Variants in CREB5 observed in about 807,000 individuals in gnomAD.
The protein encoded by CREB5 is cAMP responsive element binding protein 5.
Under a neutral mutation model 57.1 loss-of-function variants are expected in CREB5, and 19 were observed. That is an observed-to-expected ratio of 0.33 (90% CI 0.23 to 0.49). The LOEUF (loss-of-function observed/expected upper bound fraction) is 0.49. Ranked by LOEUF, CREB5 falls within the 20% of genes least tolerant of loss-of-function variation. CREB5 has a pLI of 0.99. For missense variants in CREB5, 579 were observed against 671.6 expected (o/e 0.86, Z 1.52); for synonymous variants, 238 against 238.3 (o/e 1.00, Z 0.01).
rs17157152 is a variant in CREB5 at position 28,761,545 on chromosome 7, A to G, written c.702+37213A>G. Among the ~76,000 whole-genome samples the G allele has an allele frequency of 2.2e-4, 34 of 152,316 alleles. No individual in the cohort carries two copies. The East Asian group carries it at 6.4e-3, about 28-fold the overall frequency. On this transcript the variant is annotated intron_variant, in intron 7 of 10. Transcript: ENST00000357727. ...AATCCCCAACCAGTACATTTATCCA[A>G]TTAGATTTAAACTCAAGCCTCAATT... is the stretch of plus-strand genomic sequence containing the variant.
chr7:28,411,782 T>C (rs2128003184), upstream of CREB5, among the ~76,000 whole-genome samples: 1 of 152,322 alleles, frequency 6.6e-6, no homozygotes, highest in South Asian at 2.1e-4. Flanking sequence ...AAAGCCATGC[T>C]GTAGGGTAGG....
chr7:28,319,211 C>T (rs914592504), intron 1 of CREB5, among the ~76,000 whole-genome samples: 17 of 152,222 alleles, frequency 1.1e-4, no homozygotes, highest in Admixed American at 1.1e-3. Flanking sequence ...TGCCATATTA[C>T]ATGGCCTGTA....
intron 7 of CREB5, among the ~76,000 whole-genome samples, chr7:28,775,521 C>T (rs1275151416): frequency 8.5e-6 from 1 of 117,670 alleles, no homozygotes; most frequent in Admixed American, 9.4e-5. Flanking sequence ...ATATATTATG[C>T]CATATTTATG....
intron 5 of CREB5, among the ~76,000 whole-genome samples, chr7:28,670,287 G>A (rs1016103993): frequency 1.3e-5 from 2 of 152,198 alleles, no homozygotes; most frequent in Admixed American, 6.5e-5. Flanking sequence ...GCTATGTGAA[G>A]GTGGTTTCTC....
At chr7:28,438,125 T>G (rs1789032882) in intron 1 of CREB5, among the ~76,000 whole-genome samples, 3 of 152,140 alleles carry the variant, frequency 2.0e-5, no homozygotes, top group South Asian at 4.1e-4. Flanking sequence ...CCAAAGACCT[T>G]ACTACCTAGG....
At chr7:28,326,782 C>T (rs1419682334) in intron 1 of CREB5, among the ~76,000 whole-genome samples, 2 of 151,942 alleles carry the variant, frequency 1.3e-5, no homozygotes, top group African/African-American at 4.8e-5. Context: ...TTTAATATAC[C>T]TTTGGATGTC....
upstream of CREB5, chr7:28,409,763 C>A (rs1267000567): frequency 5.3e-6 from 2 of 380,776 alleles, no homozygotes; most frequent in South Asian, 1.9e-5. The surrounding 1 kb of genome is among the most constrained non-coding windows in gnomAD (Gnocchi z 4.4). Flanking sequence ...CGGTGGCCGC[C>A]GCGCCGCGCG....
chr7:28,756,886 G>A (rs746799133), intron 7 of CREB5, among the ~76,000 whole-genome samples: 1 of 152,128 alleles, frequency 6.6e-6, no homozygotes, highest in Non-Finnish European at 1.5e-5. Flanking sequence ...ATTTTTGCAG[G>A]GTGTTTAAAT....
intron 4 of CREB5, among the ~76,000 whole-genome samples, chr7:28,559,821 C>A (rs1490090499): frequency 6.6e-6 from 1 of 152,218 alleles, no homozygotes; most frequent in Non-Finnish European, 1.5e-5. Context: ...AAACAAGAGG[C>A]TGTGTTCCTT....
At chr7:28,585,809 T>C (rs1251319900) in intron 5 of CREB5, among the ~76,000 whole-genome samples, 3 of 152,168 alleles carry the variant, frequency 2.0e-5, no homozygotes, top group African/African-American at 7.2e-5. Context: ...ATTCATTGTC[T>C]GAGGCTCTCA....
chr7:28,470,697 G>C (rs1485201114), intron 1 of CREB5, among the ~76,000 whole-genome samples: 2 of 152,184 alleles, frequency 1.3e-5, no homozygotes, highest in Non-Finnish European at 2.9e-5. Flanking sequence ...CCCACCAACA[G>C]TGTATGAGGG....
chr7:28,560,835 T>TGCGCGTGTGTGCGTGCGTGTGCGTGC, intron 4 of CREB5, among the ~76,000 whole-genome samples: 1 of 59,832 alleles, frequency 1.7e-5, no homozygotes, highest in South Asian at 5.5e-4. Flanking sequence ...CGCGCGCGCG[T>TGCGCGTGTGTGCGTGCGTGTGCGTGC]GTGTGTGTGC....
intron 5 of CREB5, among the ~76,000 whole-genome samples, chr7:28,646,395 G>A (rs1798889750): frequency 1.3e-5 from 2 of 152,180 alleles, no homozygotes; most frequent in Admixed American, 6.5e-5. Context: ...AGAAACATCA[G>A]TCACATCTTT....
chr7:28,415,131 A>G (rs1331635339), intron 1 of CREB5, among the ~76,000 whole-genome samples: 1 of 152,186 alleles, frequency 6.6e-6, no homozygotes, highest in African/African-American at 2.4e-5. Context: ...TTCAATCCTT[A>G]ACAAGGATTG....
In CREB5 at chr7:28,308,218, T is replaced by TA. The variant is rs546051937; in HGVS notation, c.-25+8784dup. Among the ~76,000 whole-genome samples the TA allele has an allele frequency of 8.9e-4, 136 of 152,278 alleles. 1 individual carries two copies. Among genetic ancestry groups the TA allele is most frequent in the Admixed American group, 5.7e-3 (87 of 15,300 alleles). On this transcript the variant is annotated intron_variant, in intron 1 of 9. Coordinates refer to the CREB5 transcript ENST00000396299. ...TAAGCAACTTAAATAAAATTGCCTT[T>TA]AAAAAAATGGGACTGAAATATAAGA... is the stretch of plus-strand genomic sequence containing the variant.
At chr7:28,402,181 A>T (rs191654747) in intron 1 of CREB5, among the ~76,000 whole-genome samples, 1 of 152,098 alleles carries the variant, frequency 6.6e-6, no homozygotes, top group East Asian at 1.9e-4. Flanking sequence ...AGCATTTTTT[A>T]ATGTGTCTGT....
At chr7:28,306,649 C>T (rs995571402) in intron 1 of CREB5, among the ~76,000 whole-genome samples, 1 of 149,862 alleles carries the variant, frequency 6.7e-6, no homozygotes, top group African/African-American at 2.5e-5. Flanking sequence ...CAAGCTCCGC[C>T]TCCCGGGTTC....
intron 1 of CREB5, among the ~76,000 whole-genome samples, chr7:28,455,266 T>C (rs922103424): frequency 2.0e-5 from 3 of 152,110 alleles, no homozygotes; most frequent in African/African-American, 7.2e-5. Context: ...GCTGTGGAGA[T>C]GGATGGACAG....
At chr7:28,394,750 T>C (rs1174242529) in intron 1 of CREB5, among the ~76,000 whole-genome samples, 2 of 152,218 alleles carry the variant, frequency 1.3e-5, no homozygotes, top group African/African-American at 4.8e-5. Context: ...AGTGTTCAAG[T>C]CTGATTTGGC....
Sources: allele counts gnomAD v4.1 joint callset (sites outside exome capture counted in the v4.1 genomes callset), GRCh38; gene constraint gnomAD v4.1.1; non-coding constraint Gnocchi (gnomAD v3.1); transcripts MANE v1.5; gene names NCBI Gene and HGNC (gene_info 2026-07-23, HGNC 2026-07-21).